PCDHGA12: variants seen among roughly 807,000 people sequenced by gnomAD.
PCDHGA12 encodes protocadherin gamma subfamily A, 12.
PCDHGA12 carries 43 observed loss-of-function variants against 61.1 expected under a neutral mutation model. That is an observed-to-expected ratio of 0.70 (90% confidence interval 0.55 to 0.91). PCDHGA12 has a LOEUF of 0.91. PCDHGA12 is among the 40% of genes least tolerant of loss of function. The probability of loss-of-function intolerance (pLI) is 0.00; values close to 1 mark genes in which losing one functional copy is unlikely to be tolerated. For missense variants in PCDHGA12, 1,236 were observed against 1,227.7 expected, an observed-to-expected ratio of 1.01 and a Z score of -0.10; for synonymous variants, 520 against 542.9, an observed-to-expected ratio of 0.96 and a Z score of 0.59.
chr5:141,490,945 C>T lies in PCDHGA12; in HGVS notation c.2425-3862C>T, dbSNP rs2099706308. On this transcript the variant is annotated intron_variant, in intron 1 of 3. Transcript: ENST00000252085. This position sits in a 1 kb window ranked among gnomAD's most constrained non-coding sequence, Gnocchi z 5.4. ...TGCCCCAGCTGTGCTGCACCCACGG[C>T]CAGACTGGGAACACTCAGCCCCCCA... The T allele has an allele frequency of 6.2e-7, 1 of 1,613,434 alleles. No homozygotes were observed. Among genetic ancestry groups the T allele is most frequent in the South Asian group, 1.1e-5 (1 of 91,010 alleles).
intron 1 of PCDHGA12, among the ~76,000 whole-genome samples, chr5:141,461,233 G>T (rs2099011336): frequency 6.6e-6 from 1 of 152,028 alleles, no homozygotes; most frequent in East Asian, 1.9e-4. Context: ...CATAGAGGTT[G>T]TACTAATTTA....
Position 141,477,686 on chromosome 5 carries a change from C to T in PCDHGA12, c.2425-17121C>T, listed in dbSNP as rs201090822. Reference sequence around the variant, plus strand: ...CAATGGCATAGTGTCATCCTTAGTGCCCCTAGACTATGAGGATCGGCGGGA... The same window carrying T: ...CAATGGCATAGTGTCATCCTTAGTGTCCCTAGACTATGAGGATCGGCGGGA... On this transcript the variant is annotated intron_variant, in intron 1 of 3. Coordinates refer to ENST00000252085, the MANE Select transcript of PCDHGA12 (RefSeq NM_003735.3). This position sits in a 1 kb window ranked among gnomAD's most constrained non-coding sequence, Gnocchi z 4.9. The T allele has an allele frequency of 4.3e-6, 7 of 1,614,024 alleles. No homozygotes were observed. The highest frequency in any genetic ancestry group is 1.6e-4 in the Middle Eastern group (1 of 6,084).
chr5:141,478,576 G>C (rs543160289), intron 1 of PCDHGA12: 3 of 1,585,598 alleles, frequency 1.9e-6, no homozygotes, highest in Middle Eastern at 3.3e-4. Flanking sequence ...GCTTGACCCT[G>C]TTAGTGCTTT....
chr5:141,487,109 G>A lies in PCDHGA12; in HGVS notation c.2425-7698G>A. 2 of 1,614,122 alleles carry A rather than the reference G, an allele frequency of 1.2e-6. No homozygotes were observed. Among genetic ancestry groups the A allele is most frequent in the Non-Finnish European group, 1.7e-6 (2 of 1,180,004 alleles). ...CCTCCCACCACAGAAGCTGGTCATTGTGGTAAAGGATAGTGGTAGTCCACC... is the reference window on the plus strand; with the variant it reads ...CCTCCCACCACAGAAGCTGGTCATTATGGTAAAGGATAGTGGTAGTCCACC... On this transcript the variant is annotated intron_variant, in intron 1 of 3. Transcript: ENST00000252085. This position sits in a 1 kb window ranked among gnomAD's most constrained non-coding sequence, Gnocchi z 5.0.
intron 1 of PCDHGA12, 70 bp downstream of exon 1, chr5:141,433,253 G>T: frequency 7.1e-7 from 1 of 1,416,466 alleles, no homozygotes; most frequent in South Asian, 1.3e-5. Flanking sequence ...GAATGCAGCG[G>T]TACGATCATA....
chr5:141,486,734 C>G lies in PCDHGA12; in HGVS notation c.2425-8073C>G, dbSNP rs2099634292. On this transcript the variant is annotated intron_variant, in intron 1 of 3. Transcript: ENST00000252085. This position sits in a 1 kb window ranked among gnomAD's most constrained non-coding sequence, Gnocchi z 5.0. ...CCAGACAGGAGCTGTTCATGCTACT[C>G]GATCCTTTGACTATGAGCAAACCCA... 6.2e-7 allele frequency: 1 copy of G among 1,614,070 alleles called. No individual in the cohort carries two copies. The highest frequency in any genetic ancestry group is 1.7e-5 in the Admixed American group (1 of 60,000).
At chr5:141,436,331 T>A (rs919524287) in intron 1 of PCDHGA12, among the ~76,000 whole-genome samples, 1 of 152,198 alleles carries the variant, frequency 6.6e-6, no homozygotes, top group Non-Finnish European at 1.5e-5. Flanking sequence ...TTAGACCATA[T>A]CTCAAATATC....
chr5:141,475,823 T>C (rs2099373850), intron 1 of PCDHGA12: 1 of 360,288 alleles, frequency 2.8e-6, no homozygotes, highest in Non-Finnish European at 5.0e-6. Context: ...TTCCTGGCGC[T>C]AGCGCGTGTC....
rs2154591356 is a variant in PCDHGA12, at chr5:141,493,972, C to G, written c.2425-835C>G. Among the ~76,000 whole-genome samples, 6 of 152,276 alleles carry G rather than the reference C, an allele frequency of 3.9e-5. No homozygotes were observed. In the Middle Eastern group the frequency reaches 0.014, roughly 345 times the overall value. On this transcript the variant is annotated intron_variant, in intron 1 of 3. Coordinates refer to ENST00000252085, the MANE Select transcript of PCDHGA12 (RefSeq NM_003735.3). This position sits in a 1 kb window ranked among gnomAD's most constrained non-coding sequence, Gnocchi z 4.3. ...CAGGAATGAAGTGGCTGGCCAGAGC[C>G]CCACACCTTCAGCTAGGTGGGAGAT...
At position 141,510,228 on chromosome 5, in the gene PCDHGA12, G is replaced by A. The variant is rs529723748; in HGVS notation, c.2573-719G>A. The stretch of plus-strand genomic sequence containing the variant: ...GCAGAGGTTGCAGTGAGCCGGGATC[G>A]CGCCACTGCACTCCAGGCTGGGCGA... On this transcript the variant is annotated intron_variant, in intron 3 of 3. Coordinates refer to ENST00000252085, the MANE Select transcript of PCDHGA12 (RefSeq NM_003735.3). Among the ~76,000 whole-genome samples the A allele has an allele frequency of 1.4e-3, 208 of 150,722 alleles. 1 individual carries two copies. Among genetic ancestry groups the A allele is most frequent in the African/African-American group, 4.7e-3 (193 of 40,860 alleles).
chr5:141,464,655 G>T (rs1326749316), intron 1 of PCDHGA12, among the ~76,000 whole-genome samples: 1 of 152,070 alleles, frequency 6.6e-6, no homozygotes. Flanking sequence ...TGGGTAAAAA[G>T]ATATCTCCAA....
chr5:141,489,935 T>C lies in PCDHGA12; in HGVS notation c.2425-4872T>C. On this transcript the variant is annotated intron_variant, in intron 1 of 3. Coordinates refer to ENST00000252085, the MANE Select transcript of PCDHGA12 (RefSeq NM_003735.3). The surrounding 1 kb of genome is among the most constrained non-coding windows in gnomAD (Gnocchi z 4.5). ...GGGACCACCCTTATCTCTGTCATCG[T>C]GCTGGACATCAATGATAATGCTCCA... 1 of 1,614,216 alleles carries C rather than the reference T, an allele frequency of 6.2e-7. No individual in the cohort carries two copies.
At chr5:141,503,230 G>A (rs911238781) in intron 2 of PCDHGA12, among the ~76,000 whole-genome samples, 1 of 152,006 alleles carries the variant, frequency 6.6e-6, no homozygotes, top group African/African-American at 2.4e-5. Context: ...CCGTAAAGAT[G>A]GACAGTTTCT....
chr5:141,464,328 C>T (rs2099081878), intron 1 of PCDHGA12, among the ~76,000 whole-genome samples: 1 of 150,722 alleles, frequency 6.6e-6, no homozygotes, highest in Admixed American at 6.6e-5. Context: ...CTGTTCAACC[C>T]ATCTATGACT....
chr5:141,469,036 G>T (rs1396748159), intron 1 of PCDHGA12, among the ~76,000 whole-genome samples: 2 of 152,076 alleles, frequency 1.3e-5, no homozygotes, highest in Non-Finnish European at 2.9e-5. Flanking sequence ...CAGCACTTTG[G>T]GAGGCCAAGG....
chr5:141,498,827 G>C (rs2099786072), intron 2 of PCDHGA12, among the ~76,000 whole-genome samples: 1 of 152,102 alleles, frequency 6.6e-6, no homozygotes, highest in Non-Finnish European at 1.5e-5. Context: ...CAGCTACTCA[G>C]GAGGCTGAGG....
At chr5:141,469,836 T>C (rs2099212875) in intron 1 of PCDHGA12, among the ~76,000 whole-genome samples, 1 of 152,064 alleles carries the variant, frequency 6.6e-6, no homozygotes, top group South Asian at 2.1e-4. Flanking sequence ...ATAAAACTTA[T>C]TCTTAAGATT....
At chr5:141,439,412 T>G (rs2098111019) in intron 1 of PCDHGA12, among the ~76,000 whole-genome samples, 1 of 152,194 alleles carries the variant, frequency 6.6e-6, no homozygotes, top group Admixed American at 6.5e-5. Flanking sequence ...CTAACATCAC[T>G]GAGGTTATAA....
In PCDHGA12 at chr5:141,474,958, C is replaced by T. The variant is rs114469479; in HGVS notation, c.2425-19849C>T. On this transcript the variant is annotated intron_variant, in intron 1 of 3. Transcript: ENST00000252085. ...CACAGTGGACTCTTTTATTCACTAT[C>T]CTAATCATTATAATTTTGTTTGGTG... is the stretch of plus-strand genomic sequence containing the variant. Among the ~76,000 whole-genome samples the T allele has an allele frequency of 4.4e-3, 666 of 152,340 alleles. 6 individuals are homozygous for T. The highest frequency in any genetic ancestry group is 0.015 in the African/African-American group (634 of 41,572).
Sources: allele counts gnomAD v4.1 joint callset (sites outside exome capture counted in the v4.1 genomes callset), GRCh38; gene constraint gnomAD v4.1.1; non-coding constraint Gnocchi (gnomAD v3.1); transcripts MANE v1.5; gene names NCBI Gene and HGNC (gene_info 2026-07-23, HGNC 2026-07-21).